ZC4H2: variants seen among roughly 807,000 people sequenced by gnomAD.
ZC4H2 encodes zinc finger C4H2-type containing.
For missense variants in ZC4H2, 137 were observed against 173.9 expected, an observed-to-expected ratio of 0.79 and a Z score of 1.19; for synonymous variants, 84 against 66.3, an observed-to-expected ratio of 1.27 and a Z score of -1.30.
intron 1 of ZC4H2, among the ~76,000 whole-genome samples, chrX:65,012,499 C>T (rs1219639163): frequency 2.7e-5 from 3 of 111,039 alleles, no homozygotes; most frequent in South Asian, 3.8e-4. Flanking sequence ...CCCTCTCTTG[C>T]TCTCATTCAC....
At chrX:64,990,459 A>G (rs972055474) in intron 1 of ZC4H2, among the ~76,000 whole-genome samples, 2 of 111,470 alleles carry the variant, frequency 1.8e-5, no homozygotes, top group Non-Finnish European at 3.8e-5. Flanking sequence ...ATTAATGTCA[A>G]TATCTTCTCT....
At chrX:64,975,979 C>A (rs1037334960) in intron 1 of ZC4H2, among the ~76,000 whole-genome samples, 2 of 111,225 alleles carry the variant, frequency 1.8e-5, no homozygotes, top group Admixed American at 9.5e-5. Context: ...GAAAAAAATC[C>A]CGACTCCTAA....
intron 1 of ZC4H2, among the ~76,000 whole-genome samples, chrX:64,954,313 T>C (rs1366041783): frequency 2.9e-5 from 2 of 68,846 alleles, no homozygotes; most frequent in African/African-American, 3.4e-4. Context: ...AAACTTAAAG[T>C]ATAATTATAT....
At chrX:64,925,595 C>T (rs1358885266) in intron 1 of ZC4H2, among the ~76,000 whole-genome samples, 1 of 111,901 alleles carries the variant, frequency 8.9e-6, no homozygotes, top group Admixed American at 9.5e-5. Flanking sequence ...CAGCATAGTG[C>T]AGCTAGCCCT....
At chrX:64,940,179 A>T (rs1455421327) in intron 1 of ZC4H2, among the ~76,000 whole-genome samples, 1 of 111,730 alleles carries the variant, frequency 9.0e-6, no homozygotes, top group Non-Finnish European at 1.9e-5. Flanking sequence ...GCTTTTCTTC[A>T]TATGTTTGTT....
At position 64,939,542 on chromosome X, in the gene ZC4H2, C is replaced by T. The variant is rs753723885; in HGVS notation, c.54-17554G>A. On this transcript the variant is annotated intron_variant, in intron 1 of 4. Transcript: ENST00000374839. ...TTACGATACCTGACTTCAAACTATA[C>T]TACAAGGTTACAGAAACCGAAACTG... 3.6e-5 allele frequency among the ~76,000 whole-genome samples: 4 copies of T among 112,088 alleles called. No homozygotes were observed. The South Asian group carries it at 1.5e-3, about 41-fold the overall frequency.
chrX:65,010,528 T>G (rs1465822757), intron 1 of ZC4H2, among the ~76,000 whole-genome samples: 1 of 111,932 alleles, frequency 8.9e-6, no homozygotes, highest in African/African-American at 3.2e-5. Context: ...TTTTTGGGAT[T>G]CCACTCCTAT....
chrX:64,966,576 C>G (rs758418583), intron 1 of ZC4H2, among the ~76,000 whole-genome samples: 1 of 112,033 alleles, frequency 8.9e-6, no homozygotes, highest in Non-Finnish European at 1.9e-5. Flanking sequence ...TGAGTGAACA[C>G]CCAAAATGTG....
At chrX:64,948,905 T>C (rs1391153297) in intron 1 of ZC4H2, among the ~76,000 whole-genome samples, 1 of 112,198 alleles carries the variant, frequency 8.9e-6, no homozygotes, top group Admixed American at 9.5e-5. Flanking sequence ...TGTAAAAGGT[T>C]CGTAAAAATT....
intron 1 of ZC4H2, among the ~76,000 whole-genome samples, chrX:65,019,913 G>A (rs768852596): frequency 3.6e-5 from 4 of 112,012 alleles, no homozygotes; most frequent in Non-Finnish European, 7.5e-5. Context: ...CAGCTGAATC[G>A]ATTAAGCAGA....
At chrX:64,934,935 G>GTT (rs779205674) in intron 1 of ZC4H2, among the ~76,000 whole-genome samples, 107 of 103,878 alleles carry the variant, frequency 1.0e-3, no homozygotes, top group Middle Eastern at 4.8e-3. Flanking sequence ...TAGCTGCAGG[G>GTT]TTTTTTTTTT....
At chrX:64,992,435 G>A (rs1464441590) in intron 1 of ZC4H2, among the ~76,000 whole-genome samples, 1 of 111,508 alleles carries the variant, frequency 9.0e-6, no homozygotes, top group Admixed American at 9.5e-5. Context: ...TCATCAGCAA[G>A]AGTTATAATA....
intron 1 of ZC4H2, among the ~76,000 whole-genome samples, chrX:64,931,575 A>AT (rs1929746049): frequency 9.0e-6 from 1 of 111,535 alleles, no homozygotes; most frequent in African/African-American, 3.3e-5. Flanking sequence ...ATTTCAAATA[A>AT]TTTTTAAATT....
intron 1 of ZC4H2, among the ~76,000 whole-genome samples, chrX:64,945,488 C>T (rs1930486232): frequency 9.0e-6 from 1 of 111,380 alleles, no homozygotes; most frequent in East Asian, 2.9e-4. Flanking sequence ...AGATGCCACC[C>T]TGACCTCTCC....
At chrX:64,922,278 AAAAAAG>A (rs1245861921) in intron 1 of ZC4H2, 44 of 285,622 alleles carry the variant, frequency 1.5e-4, no homozygotes, top group Admixed American at 3.4e-4. Context: ...AAAAAGAAAA[AAAAAAG>A]AAAAAGAAAA....
rs1256826866 is a variant in ZC4H2, at chrX:65,033,952, G to A, written c.-272+677C>T. Among the ~76,000 whole-genome samples, 16 of 110,672 alleles carry A rather than the reference G, an allele frequency of 1.4e-4. 1 individual carries two copies. Among genetic ancestry groups the A allele is most frequent in the Admixed American group, 1.4e-3 (15 of 10,457 alleles). ...AAAAATACAAAAATTAGCCAGGCATGGTGGCTTGCACCTGTAGTCCCAGCT... is the reference window on the plus strand; with the variant it reads ...AAAAATACAAAAATTAGCCAGGCATAGTGGCTTGCACCTGTAGTCCCAGCT... On this transcript the variant is annotated intron_variant, in intron 1 of 4. Coordinates refer to the ZC4H2 transcript ENST00000337990.
At chrX:64,977,236 A>C, upstream of ZC4H2, among the ~76,000 whole-genome samples, 1 of 111,522 alleles carries the variant, frequency 9.0e-6, no homozygotes, top group Non-Finnish European at 1.9e-5. Context: ...AGGTCTCAAG[A>C]GTGACTAAGA....
chrX:64,925,308 G>T (rs1929380914), intron 1 of ZC4H2, among the ~76,000 whole-genome samples: 1 of 111,832 alleles, frequency 8.9e-6, no homozygotes, highest in African/African-American at 3.3e-5. Flanking sequence ...TACCTATTGG[G>T]TACAATGTTC....
chrX:65,006,518 T>C lies in ZC4H2; in HGVS notation c.-272+28111A>G, dbSNP rs182377301. On this transcript the variant is annotated intron_variant, in intron 1 of 4. Transcript: ENST00000337990. ...GGTGGGAACTGAACAATGAGACCACTTGGAGACAGGAAGGGGAACATCACA... is the reference window on the plus strand; with the variant it reads ...GGTGGGAACTGAACAATGAGACCACCTGGAGACAGGAAGGGGAACATCACA... Among the ~76,000 whole-genome samples, 378 of 98,662 alleles carry C rather than the reference T, an allele frequency of 3.8e-3. 1 individual carries two copies. The highest frequency in any genetic ancestry group is 4.8e-3 in the Non-Finnish European group (239 of 50,192). The allele number at this position is 98,662 out of a possible 115,157, so 85.7% of individuals were successfully genotyped here.
Sources: allele counts gnomAD v4.1 joint callset (sites outside exome capture counted in the v4.1 genomes callset), GRCh38; gene constraint gnomAD v4.1.1; transcripts MANE v1.5; gene names NCBI Gene and HGNC (gene_info 2026-07-23, HGNC 2026-07-21).